The following LRMDA variants were observed in gnomAD, a reference collection of about 807,000 sequenced individuals.
LRMDA encodes leucine-rich melanocyte differentiation-associated protein.
A neutral mutation model predicts 29.8 loss-of-function variants in LRMDA; 18 were observed. The observed-to-expected ratio is 0.60, with a 90% CI of 0.42 to 0.90. The LOEUF (loss-of-function observed/expected upper bound fraction) is 0.90. Among genes scored for constraint, LRMDA ranks in the 40% least tolerant of loss-of-function variants. The pLI, the probability that LRMDA is intolerant of heterozygous loss-of-function variation, is 0.00. For missense variants in LRMDA, 273 were observed against 273.9 expected, an observed-to-expected ratio of 1.00 and a Z score of 0.02; for synonymous variants, 125 against 109.4, an observed-to-expected ratio of 1.14 and a Z score of -0.89.
At position 75,710,156 on chromosome 10, in the gene LRMDA, A is replaced by AATATCTGG. The variant is rs1433077997; in HGVS notation, c.131+271663_131+271670dup. On this transcript the variant is annotated intron_variant, in intron 2 of 6. Coordinates refer to ENST00000611255, the MANE Select transcript of LRMDA (RefSeq NM_001305581.2). ...AAACCGAGGGAGCAATAGCAGAATT[A>AATATCTGG]ATATCTGGGAGCGTTGATAATTATA... Among the ~76,000 whole-genome samples the AATATCTGG allele has an allele frequency of 3.3e-5, 5 of 152,346 alleles. No homozygotes were observed. The South Asian group carries it at 8.3e-4, about 25-fold the overall frequency.
chr10:75,841,324 G>T (rs117462278), intron 2 of LRMDA, among the ~76,000 whole-genome samples: 1 of 152,000 alleles, frequency 6.6e-6, no homozygotes, highest in African/African-American at 2.4e-5. Context: ...GTTTATTATC[G>T]AACTTAAATA....
At chr10:75,868,316 T>C (rs1015237020) in intron 2 of LRMDA, among the ~76,000 whole-genome samples, 9 of 152,246 alleles carry the variant, frequency 5.9e-5, no homozygotes, top group African/African-American at 2.2e-4. Flanking sequence ...CCTAGCTGTG[T>C]AACCTCAGGT....
chr10:76,149,293 G>A (rs1044548302), intron 5 of LRMDA, among the ~76,000 whole-genome samples: 1 of 152,174 alleles, frequency 6.6e-6, no homozygotes, highest in Non-Finnish European at 1.5e-5. Flanking sequence ...CTGTGAGGAC[G>A]GAAGAGAAGT....
intron 2 of LRMDA, among the ~76,000 whole-genome samples, chr10:75,765,270 CAA>C (rs1020984917): frequency 4.6e-5 from 7 of 151,064 alleles, no homozygotes; most frequent in African/African-American, 1.5e-4. Flanking sequence ...CAGATACAAA[CAA>C]AGACTTGCAG....
At chr10:75,962,892 C>T (rs1055433763) in intron 2 of LRMDA, among the ~76,000 whole-genome samples, 8 of 152,148 alleles carry the variant, frequency 5.3e-5, no homozygotes, top group Admixed American at 2.0e-4. Flanking sequence ...TCAAGGCCAG[C>T]GAGATGGCTT....
intron 5 of LRMDA, among the ~76,000 whole-genome samples, chr10:76,298,800 G>T (rs1472702726): frequency 1.3e-5 from 2 of 152,130 alleles, no homozygotes; most frequent in African/African-American, 4.8e-5. Flanking sequence ...ATTGTTTTGT[G>T]ACTGTATGAT....
At chr10:76,021,849 T>C (rs1847979729) in intron 2 of LRMDA, among the ~76,000 whole-genome samples, 1 of 152,180 alleles carries the variant, frequency 6.6e-6, no homozygotes. Context: ...TTTGCAGTCA[T>C]GGAAAAATGT....
chr10:75,569,804 T>C (rs1228705941), intron 2 of LRMDA, among the ~76,000 whole-genome samples: 1 of 152,220 alleles, frequency 6.6e-6, no homozygotes, highest in African/African-American at 2.4e-5. Flanking sequence ...TACTCAGGAT[T>C]GCTTGGAGAC....
At chr10:75,732,873 T>A (rs538007145) in intron 2 of LRMDA, among the ~76,000 whole-genome samples, 3 of 152,164 alleles carry the variant, frequency 2.0e-5, no homozygotes, top group Admixed American at 1.3e-4. Context: ...AGGAGGAGCA[T>A]GTTGAAAAAA....
intron 5 of LRMDA, among the ~76,000 whole-genome samples, chr10:76,204,336 G>A (rs980665015): frequency 6.1e-5 from 9 of 148,218 alleles, no homozygotes; most frequent in Non-Finnish European, 1.2e-4. Context: ...ATCTCTCCAT[G>A]TGCCCATCCA....
intron 2 of LRMDA, among the ~76,000 whole-genome samples, chr10:75,809,631 G>A (rs1843921197): frequency 6.6e-6 from 1 of 152,092 alleles, no homozygotes; most frequent in Admixed American, 6.6e-5. Context: ...GTGACAGAAT[G>A]AGACTCTGTT....
chr10:75,870,246 A>G (rs1036368541), intron 2 of LRMDA, among the ~76,000 whole-genome samples: 11 of 152,362 alleles, frequency 7.2e-5, no homozygotes, highest in Admixed American at 5.2e-4. Context: ...AGCTGGGCCC[A>G]TTCATTTTGG....
chr10:76,203,504 TG>T (rs927944697), intron 5 of LRMDA, among the ~76,000 whole-genome samples: 49 of 152,342 alleles, frequency 3.2e-4, no homozygotes, highest in African/African-American at 1.2e-3. Flanking sequence ...ATTTAATTTT[TG>T]GTTATAAATT....
At chr10:75,996,210 G>A (rs935258177) in intron 2 of LRMDA, among the ~76,000 whole-genome samples, 3 of 152,122 alleles carry the variant, frequency 2.0e-5, no homozygotes, top group Non-Finnish European at 2.9e-5. Flanking sequence ...GAGGCCTATT[G>A]GAATTGATGA....
At chr10:76,036,267 C>CA (rs1243864929) in intron 3 of LRMDA, 133 bp downstream of exon 3, 1 of 926,604 alleles carries the variant, frequency 1.1e-6, no homozygotes, top group Non-Finnish European at 1.6e-6. Flanking sequence ...ATGTGAAATA[C>CA]AGTTCGTGGG....
intron 2 of LRMDA, among the ~76,000 whole-genome samples, chr10:75,768,661 A>G (rs1843200418): frequency 6.6e-6 from 1 of 152,146 alleles, no homozygotes; most frequent in African/African-American, 2.4e-5. Flanking sequence ...CTGTTATATT[A>G]ATATACTTTG....
chr10:76,421,117 G>T (rs1460704790), intron 6 of LRMDA, among the ~76,000 whole-genome samples: 1 of 152,096 alleles, frequency 6.6e-6, no homozygotes, highest in Non-Finnish European at 1.5e-5. Context: ...CTTACTGAGA[G>T]AAGTATGCTA....
At chr10:76,540,115 C>T (rs544007100) in intron 6 of LRMDA, among the ~76,000 whole-genome samples, 1 of 151,636 alleles carries the variant, frequency 6.6e-6, no homozygotes, top group South Asian at 2.1e-4. Context: ...ACAGAAGACA[C>T]ACACAACACA....
At chr10:76,140,115 A>G (rs1247737477) in intron 5 of LRMDA, among the ~76,000 whole-genome samples, 2 of 152,132 alleles carry the variant, frequency 1.3e-5, no homozygotes, top group Non-Finnish European at 2.9e-5. Flanking sequence ...TGCCACCCCA[A>G]AATATGTCTC....
Sources: gnomAD v4.1 joint callset for allele counts (sites outside exome capture counted in the v4.1 genomes callset) on GRCh38, gnomAD v4.1.1 for gene constraint, MANE v1.5 for transcripts, NCBI Gene and HGNC (gene_info 2026-07-23, HGNC 2026-07-21) for gene names.